CDH12: variants seen among roughly 807,000 people sequenced by gnomAD.
The protein encoded by CDH12 is cadherin-12.
In CDH12, 41 loss-of-function variants were observed where a neutral mutation model predicts 74.1. The ratio of observed to expected loss-of-function variants is 0.55; its 90% CI spans 0.43 to 0.72. CDH12 has a LOEUF of 0.72. CDH12 is among the 30% of genes least tolerant of loss of function. The pLI is 0.00. For missense variants in CDH12, 945 were observed against 977.2 expected (o/e 0.97, Z 0.44); for synonymous variants, 399 against 355.0 (o/e 1.12, Z -1.39).
chr5:22,665,405 T>G (rs2126904411), intron 1 of CDH12, among the ~76,000 whole-genome samples: 1 of 152,232 alleles, frequency 6.6e-6, no homozygotes, highest in South Asian at 2.1e-4. Context: ...GTGAATTATA[T>G]CAAATAGGAT....
chr5:22,666,402 G>C (rs1040194784), intron 1 of CDH12, among the ~76,000 whole-genome samples: 2 of 148,056 alleles, frequency 1.4e-5, no homozygotes, highest in East Asian at 4.1e-4. Context: ...CCATTCTCCT[G>C]CCTCAGCCTC....
chr5:22,178,309 A>T (rs1257556050), intron 4 of CDH12, among the ~76,000 whole-genome samples: 3 of 152,182 alleles, frequency 2.0e-5, no homozygotes, highest in Non-Finnish European at 4.4e-5. Flanking sequence ...TCTTATGCTC[A>T]TTAAAGCCTT....
At chr5:22,020,538 G>A (rs969420386) in intron 5 of CDH12, among the ~76,000 whole-genome samples, 2 of 146,146 alleles carry the variant, frequency 1.4e-5, no homozygotes, top group Non-Finnish European at 1.5e-5. Context: ...TGGGTGACAA[G>A]AGTGAGACTT....
At chr5:21,793,554 C>T (rs1407988784) in intron 10 of CDH12, among the ~76,000 whole-genome samples, 2 of 151,636 alleles carry the variant, frequency 1.3e-5, no homozygotes, top group Non-Finnish European at 3.0e-5. Flanking sequence ...AGTCCAGTGC[C>T]TGTTATTCCA....
intron 1 of CDH12, among the ~76,000 whole-genome samples, chr5:22,767,255 G>T (rs990721074): frequency 6.6e-6 from 1 of 151,854 alleles, no homozygotes; most frequent in Non-Finnish European, 1.5e-5. Flanking sequence ...GTTTTCTTTA[G>T]ATCTATAAAT....
At chr5:22,393,810 A>C (rs1001774568) in intron 3 of CDH12, among the ~76,000 whole-genome samples, 1 of 152,144 alleles carries the variant, frequency 6.6e-6, no homozygotes, top group Non-Finnish European at 1.5e-5. Flanking sequence ...AGGATTCAGA[A>C]GTATATATAT....
intron 4 of CDH12, among the ~76,000 whole-genome samples, chr5:22,148,144 C>T (rs1747328920): frequency 6.6e-6 from 1 of 152,112 alleles, no homozygotes; most frequent in African/African-American, 2.4e-5. Flanking sequence ...TACTTAAAGA[C>T]TTTTTTCCTG....
At chr5:21,955,454 T>C (rs1278176107) in intron 6 of CDH12, among the ~76,000 whole-genome samples, 1 of 152,066 alleles carries the variant, frequency 6.6e-6, no homozygotes. Flanking sequence ...TAAAAAATGC[T>C]AGTGATTGCA....
intron 4 of CDH12, among the ~76,000 whole-genome samples, chr5:22,102,656 C>A (rs1019648049): frequency 1.4e-5 from 2 of 145,094 alleles, no homozygotes; most frequent in East Asian, 4.1e-4. Flanking sequence ...AGTGAGACTC[C>A]GTCTCCAATA....
chr5:21,905,393 A>G (rs1753592181), intron 6 of CDH12, among the ~76,000 whole-genome samples: 2 of 152,192 alleles, frequency 1.3e-5, no homozygotes, highest in African/African-American at 2.4e-5. Context: ...TGCTAAGCAG[A>G]CTCTTGGGCA....
intron 2 of CDH12, among the ~76,000 whole-genome samples, chr5:22,464,222 G>A (rs1437440779): frequency 6.6e-6 from 1 of 152,296 alleles, no homozygotes; most frequent in Non-Finnish European, 1.5e-5. Context: ...TGATGATTGT[G>A]AGGCTTCCCC....
At chr5:21,890,234 T>C (rs1752837238) in intron 6 of CDH12, among the ~76,000 whole-genome samples, 1 of 152,100 alleles carries the variant, frequency 6.6e-6, no homozygotes, top group Non-Finnish European at 1.5e-5. Context: ...TTCGTTTCCC[T>C]ATCCTCAGCA....
At chr5:22,553,512 A>T (rs1738667427) in intron 1 of CDH12, among the ~76,000 whole-genome samples, 1 of 152,146 alleles carries the variant, frequency 6.6e-6, no homozygotes, top group South Asian at 2.1e-4. Context: ...TAAAGAAACC[A>T]CATCATTTAT....
intron 3 of CDH12, among the ~76,000 whole-genome samples, chr5:22,245,470 G>A (rs772264814): frequency 5.3e-5 from 8 of 151,972 alleles, no homozygotes; most frequent in Non-Finnish European, 1.0e-4. Context: ...TATAATCTTG[G>A]TATTGATTTG....
intron 3 of CDH12, among the ~76,000 whole-genome samples, chr5:22,307,774 G>A (rs976124214): frequency 1.3e-5 from 2 of 151,332 alleles, no homozygotes; most frequent in African/African-American, 2.4e-5. Flanking sequence ...TAACTAATAT[G>A]GGTCATTTTG....
At chr5:22,406,885 T>C (rs1742963022) in intron 2 of CDH12, among the ~76,000 whole-genome samples, 1 of 152,110 alleles carries the variant, frequency 6.6e-6, no homozygotes, top group Non-Finnish European at 1.5e-5. Flanking sequence ...TATATGAGTA[T>C]AAGCCTTGAG....
intron 1 of CDH12, among the ~76,000 whole-genome samples, chr5:22,746,091 A>C (rs1169906297): frequency 1.3e-5 from 2 of 152,200 alleles, no homozygotes; most frequent in African/African-American, 4.8e-5. Flanking sequence ...AATTGAAAAA[A>C]ATATTTTAAT....
At chr5:22,731,750 A>G (rs1006337497) in intron 1 of CDH12, among the ~76,000 whole-genome samples, 3 of 151,764 alleles carry the variant, frequency 2.0e-5, no homozygotes, top group Non-Finnish European at 4.4e-5. Flanking sequence ...TCACAGTTGG[A>G]CCTCTTTTTG....
chr5:22,426,405 T>C (rs1228452828), intron 2 of CDH12, among the ~76,000 whole-genome samples: 1 of 152,022 alleles, frequency 6.6e-6, no homozygotes, highest in Non-Finnish European at 1.5e-5. Context: ...AAATATAATA[T>C]TGTATTATGC....
Sources: allele counts gnomAD v4.1 joint callset (sites outside exome capture counted in the v4.1 genomes callset), GRCh38; gene constraint gnomAD v4.1.1; transcripts MANE v1.5; gene names NCBI Gene and HGNC (gene_info 2026-07-23, HGNC 2026-07-21).